Variants in PIEZO1 observed in about 807,000 individuals in gnomAD.
PIEZO1 encodes the protein piezo type mechanosensitive ion channel component 1 (Er blood group).
PIEZO1 carries 296 observed loss-of-function variants against 297.2 expected under a neutral mutation model. The ratio of observed to expected loss-of-function variants is 1.00; its 90% CI spans 0.91 to 1.10. PIEZO1 has a LOEUF of 1.10. PIEZO1 is among the 50% of genes least tolerant of loss of function. The probability of loss-of-function intolerance (pLI) is 0.00; values close to 1 mark genes in which losing one functional copy is unlikely to be tolerated. For synonymous variants in PIEZO1, 2,427 were observed against 1,507.5 expected, an observed-to-expected ratio of 1.61 and a Z score of -14.13; for missense variants, 5,018 against 3,455.5, an observed-to-expected ratio of 1.45 and a Z score of -11.34.
At chr16:88,741,421 T>C in intron 5 of PIEZO1, 57 bp downstream of exon 5, 7 of 1,420,302 alleles carry the variant, frequency 4.9e-6, no homozygotes, top group Non-Finnish European at 6.6e-6. Flanking sequence ...TCAAAATGGC[T>C]GAGACCACAG....
chr16:88,771,031 C>T (rs1004359499), intron 1 of PIEZO1, among the ~76,000 whole-genome samples: 7 of 152,200 alleles, frequency 4.6e-5, no homozygotes, highest in Non-Finnish European at 8.8e-5. Context: ...CACCCTATCA[C>T]GTCTTGCTCT....
At position 88,726,892 on chromosome 16, in the gene PIEZO1, C is replaced by T. The variant is rs1028850472; in HGVS notation, c.3522G>A (p.Val1174=). ...TGATGCGGGTGGCCCCCGTGACAAA[C>T]ACCACCACCAGCACCAGCCAGAACA... ...RYLFWLVLVV[V]FVTGATRISI... is the part of the protein sequence containing the mutation. The change falls in exon 25 of 51, where the codon GTG becomes GTA. Residue 1174 remains valine, a synonymous_variant. Transcript: ENST00000301015. 5.8e-6 allele frequency: 9 copies of T among 1,550,308 alleles called. No homozygotes were observed. The highest frequency in any genetic ancestry group is 7.0e-6 in the Non-Finnish European group (8 of 1,146,918).
chr16:88,768,643 G>A (rs1378854453), intron 1 of PIEZO1, among the ~76,000 whole-genome samples: 1 of 152,242 alleles, frequency 6.6e-6, no homozygotes, highest in Non-Finnish European at 1.5e-5. Context: ...CAGGGCAAGA[G>A]CGCTTCCCTC....
intron 1 of PIEZO1, among the ~76,000 whole-genome samples, chr16:88,781,670 C>T (rs552859411): frequency 2.0e-5 from 3 of 152,374 alleles, no homozygotes; most frequent in African/African-American, 7.2e-5. Flanking sequence ...GGGTTCTGTG[C>T]AGGTCCTGAG....
At position 88,733,862 on chromosome 16, in the gene PIEZO1, C is replaced by T; in HGVS notation, c.2329+44G>A. 4.1e-6 allele frequency: 6 copies of T among 1,469,590 alleles called. No homozygotes were observed. The South Asian group carries it at 6.8e-5, about 17-fold the overall frequency. 91.0% of individuals were successfully genotyped at this position (1,469,590 alleles called of 1,614,324 possible). ...CAACGCCCCCCGAGCTGGGACATGGCACAGCAGACTGGGTGGCAGCTGTGC... is the reference window on the plus strand; with the variant it reads ...CAACGCCCCCCGAGCTGGGACATGGTACAGCAGACTGGGTGGCAGCTGTGC... On this transcript the variant is annotated intron_variant, in intron 17 of 50. Transcript: ENST00000301015.
In PIEZO1 at chr16:88,732,486, C is replaced by A. The variant is rs929273324; in HGVS notation, c.2840G>T (p.Arg947Leu). Residue 947 changes from arginine to leucine, a missense_variant, in exon 21 of 51, where the codon CGG becomes CTG. Coordinates refer to ENST00000301015, the MANE Select transcript of PIEZO1 (RefSeq NM_001142864.4). ...CTGCCGGCGGTAGTGCTCCTGGCGCCGGTACACGATGGCCTCGAATACCAG... is the reference window on the plus strand; with the variant it reads ...CTGCCGGCGGTAGTGCTCCTGGCGCAGGTACACGATGGCCTCGAATACCAG... ...LLLVFEAIVY[R>L]RQEHYRRQHQ... 7.7e-6 allele frequency: 12 copies of A among 1,549,116 alleles called. No individual in the cohort carries two copies. Among genetic ancestry groups the A allele is most frequent in the Admixed American group, 5.9e-5 (3 of 50,950 alleles).
At chr16:88,782,632 C>T (rs1671642644) in intron 1 of PIEZO1, among the ~76,000 whole-genome samples, 1 of 152,254 alleles carries the variant, frequency 6.6e-6, no homozygotes, top group African/African-American at 2.4e-5. Flanking sequence ...AGCGCAGGCA[C>T]ACACTGACTA....
chr16:88,737,498 C>A, intron 10 of PIEZO1, 61 bp downstream of exon 10: 1 of 1,214,096 alleles, frequency 8.2e-7, no homozygotes, highest in Non-Finnish European at 1.1e-6. Context: ...CACCAGGGGG[C>A]AGCACCGGCC....
chr16:88,726,350 A>G lies in PIEZO1; in HGVS notation c.3902T>C (p.Val1301Ala). ...CFFFLLLQRR[V>A]FLSHYYLHVR... ...GTGCAGGTAGTAATGGCTAAGGAAG[A>G]CGCGGCGCTGCAGCAGCAGGAAGAA... The change falls in exon 27 of 51, where the codon GTC (valine) becomes GCC (alanine). Residue 1301 changes from valine (V) to alanine (A), a missense_variant. By Grantham distance (64) the Val-to-Ala change is moderately conservative. Coordinates refer to ENST00000301015, the MANE Select transcript of PIEZO1 (RefSeq NM_001142864.4). The G allele has an allele frequency of 1.3e-6, 2 of 1,550,408 alleles. No individual in the cohort carries two copies. The highest frequency in any genetic ancestry group is 2.0e-5 in the Admixed American group (1 of 51,006).
Position 88,721,556 on chromosome 16 carries a change from G to A in PIEZO1, c.5385C>T (p.Phe1795=), listed in dbSNP as rs1422366384. The change falls in exon 38 of 51, where the codon TTC becomes TTT. Residue 1795 remains phenylalanine (F), a synonymous_variant. Transcript: ENST00000301015. ...YDLVQLMALF[F]HRSQLLCYGL... is the part of the protein sequence containing the mutation. ...CACTCACCAGCAGCTGGGAGCGGTG[G>A]AAGAAAAGGGCCATGAGCTGCACCA... 6.5e-7 allele frequency: 1 copy of A among 1,549,660 alleles called. No homozygotes were observed. Among genetic ancestry groups the A allele is most frequent in the Admixed American group, 2.0e-5 (1 of 50,960 alleles).
At chr16:88,741,179 T>C (rs1246435905) in intron 5 of PIEZO1, 1 of 273,410 alleles carries the variant, frequency 3.7e-6, no homozygotes, top group African/African-American at 2.2e-5. Flanking sequence ...GCACTGCAGG[T>C]TTCCACCACC....
Position 88,722,699 on chromosome 16 carries a change from A to C in PIEZO1, c.4669-10T>G. 1 of 1,534,294 alleles carries C rather than the reference A, an allele frequency of 6.5e-7. No homozygotes were observed. The highest frequency in any genetic ancestry group is 1.2e-5 in the South Asian group (1 of 83,998). ...TGTGCACTTCGCCGCCCTGCAGGGC[A>C]CAGCAGGGGGCTCAGGGCTGCGTCC... On this transcript the variant is annotated splice_polypyrimidine_tract_variant and intron_variant, in intron 34 of 50. Coordinates refer to ENST00000301015, the MANE Select transcript of PIEZO1 (RefSeq NM_001142864.4).
Position 88,717,203 on chromosome 16 carries a change from C to G in PIEZO1, c.6480G>C (p.Pro2160=), listed in dbSNP as rs756995400. 64 of 1,548,968 alleles carry G rather than the reference C, an allele frequency of 4.1e-5. No individual in the cohort carries two copies. The highest frequency in any genetic ancestry group is 5.4e-5 in the Non-Finnish European group (62 of 1,146,896). ...KCSRETEKKY[P]QPKGQKKKKI... Reference sequence around the variant, plus strand: ...TCTTCTTCTTCTGCCCTTTGGGCTGCGGGTATTTCTGGAGGGGAACGACAC... The same window carrying G: ...TCTTCTTCTTCTGCCCTTTGGGCTGGGGGTATTTCTGGAGGGGAACGACAC... The change falls in exon 45 of 51, where the codon CCG becomes CCC. Residue 2160 remains proline (P), a synonymous_variant. Transcript: ENST00000301015.
At chr16:88,732,856 T>C in intron 19 of PIEZO1, 124 bp from the exon 20 acceptor site, 2 of 1,006,678 alleles carry the variant, frequency 2.0e-6, no homozygotes, top group East Asian at 2.6e-5. Context: ...ACACGGGGGC[T>C]GCCAGCCTTG....
Position 88,715,376 on chromosome 16 carries a change from TAAAAAA to T in PIEZO1, c.*223_*228del. The T allele has an allele frequency of 9.2e-7, 1 of 1,087,758 alleles. No individual in the cohort carries two copies. The highest frequency in any genetic ancestry group is 1.3e-6 in the Non-Finnish European group (1 of 789,740). 67.4% of individuals were successfully genotyped at this position (1,087,758 alleles called of 1,614,324 possible). The stretch of plus-strand genomic sequence containing the variant: ...TTGTATAAATAAAACATTTTTTAAT[TAAAAAA>T]AAAACTCTACAGTACACGTGGGGGA... On this transcript the variant is annotated 3_prime_UTR_variant, in exon 51 of 51. Transcript: ENST00000301015.
At chr16:88,718,492 A>C (rs1912206140) in intron 44 of PIEZO1, 1 of 152,232 alleles carries the variant, frequency 6.6e-6, no homozygotes, top group African/African-American at 2.4e-5. Context: ...ACAGAATATC[A>C]TTTGCCCATA....
intron 1 of PIEZO1, among the ~76,000 whole-genome samples, chr16:88,750,404 G>A (rs765870876): frequency 6.6e-6 from 1 of 152,244 alleles, no homozygotes; most frequent in East Asian, 1.9e-4. Context: ...CCCCGCACAC[G>A]TATGGGGCAG....
Position 88,742,063 on chromosome 16 carries a change from C to G in PIEZO1, c.316G>C (p.Gly106Arg). 1 of 1,536,096 alleles carries G rather than the reference C, an allele frequency of 6.5e-7. No individual in the cohort carries two copies. Among genetic ancestry groups the G allele is most frequent in the South Asian group, 1.2e-5 (1 of 84,062 alleles). Residue 106 changes from glycine (G) to arginine (R), a missense_variant, in exon 4 of 51, where the codon GGG becomes CGG. Coordinates refer to ENST00000301015, the MANE Select transcript of PIEZO1 (RefSeq NM_001142864.4). ...GAGGAATGGTCTTACCTTGTGACCC[C>G]TATGTGTCGCGAGAGGGTCTCCCAG... is the stretch of plus-strand genomic sequence containing the variant. Reference protein sequence around the residue: ...SRWETLSRHIGVTRLDLKDIP... With the variant: ...SRWETLSRHIRVTRLDLKDIP...
At chr16:88,729,792 C>T (rs1484302567) in intron 22 of PIEZO1, among the ~76,000 whole-genome samples, 1 of 145,636 alleles carries the variant, frequency 6.9e-6, no homozygotes, top group Admixed American at 6.9e-5. Context: ...ATGCTGAACC[C>T]ACAGCCCCAT....
Sources: allele counts gnomAD v4.1 joint callset (sites outside exome capture counted in the v4.1 genomes callset), GRCh38; gene constraint gnomAD v4.1.1; transcripts MANE v1.5; gene names NCBI Gene and HGNC (gene_info 2026-07-23, HGNC 2026-07-21).